ADGRB1: variants seen among roughly 807,000 people sequenced by gnomAD.
ADGRB1 encodes the protein brain-specific angiogenesis inhibitor 1.
In ADGRB1, 36 loss-of-function variants were observed where a neutral mutation model predicts 175.7. The ratio of observed to expected loss-of-function variants is 0.20; its 90% CI spans 0.16 to 0.27. ADGRB1 has a LOEUF of 0.27. ADGRB1 is among the 10% of genes least tolerant of loss of function. The probability of loss-of-function intolerance (pLI) is 1.00; values close to 1 mark genes in which losing one functional copy is unlikely to be tolerated. For missense variants in ADGRB1, 1,731 were observed against 2,255.3 expected (o/e 0.77, Z 4.71); for synonymous variants, 1,054 against 979.4 (o/e 1.08, Z -1.42).
rs114421964 is a variant in ADGRB1, at chr8:142,463,193, C to T, written c.-219-787C>T. Among the ~76,000 whole-genome samples the T allele has an allele frequency of 7.7e-3, 1,173 of 152,306 alleles. 12 individuals carry two copies. Among genetic ancestry groups the T allele is most frequent in the African/African-American group, 0.027 (1,107 of 41,554 alleles). On this transcript the variant is annotated intron_variant, in intron 1 of 30. Transcript: ENST00000517894. ...CTGGTGGCTCCATCCCCCCTCCATC[C>T]CTCCCCAGGCCCTGTGCCTGTAGCT...
rs535963877 is a variant in ADGRB1 at position 142,537,799 on chromosome 8, A to G, written c.3666+717A>G. ...GGCGGTTCCTACGTAAGGGCCCCCA[A>G]CAGCCCCCTGTGGAGCCTCAACTCT... On this transcript the variant is annotated intron_variant, in intron 26 of 30. Coordinates refer to ENST00000517894, the MANE Select transcript of ADGRB1 (RefSeq NM_001702.3). The surrounding 1 kb of genome is among the most constrained non-coding windows in gnomAD (Gnocchi z 4.6). 2.0e-5 allele frequency among the ~76,000 whole-genome samples: 3 copies of G among 152,246 alleles called. No individual in the cohort carries two copies. In the East Asian group the frequency reaches 5.8e-4, roughly 29 times the overall value.
At chr8:142,462,672 G>A (rs950040692) in intron 1 of ADGRB1, among the ~76,000 whole-genome samples, 4 of 152,350 alleles carry the variant, frequency 2.6e-5, no homozygotes, top group African/African-American at 4.8e-5. Context: ...TCCCGTGGGC[G>A]GGCGACCGGC....
At chr8:142,487,132 T>A (rs1028835568) in intron 13 of ADGRB1, among the ~76,000 whole-genome samples, 2 of 152,246 alleles carry the variant, frequency 1.3e-5, no homozygotes, top group African/African-American at 2.4e-5. Context: ...CTTGTTCCAA[T>A]GAAATATTTC....
chr8:142,457,483 G>A (rs970127927), intron 1 of ADGRB1, among the ~76,000 whole-genome samples: 3 of 152,094 alleles, frequency 2.0e-5, no homozygotes, highest in African/African-American at 7.3e-5. Context: ...CAGCTGGGTG[G>A]GGCTGGGCCT....
intron 2 of ADGRB1, among the ~76,000 whole-genome samples, chr8:142,469,492 C>T (rs1343669125): frequency 8.1e-6 from 1 of 123,188 alleles, no homozygotes. Flanking sequence ...TGTGTATGCA[C>T]GTGCATGTGT....
chr8:142,488,837 C>G (rs1841834102), intron 14 of ADGRB1, among the ~76,000 whole-genome samples, 198 bp from the exon 15 acceptor site: 1 of 152,252 alleles, frequency 6.6e-6, no homozygotes, highest in African/African-American at 2.4e-5. Context: ...CTCCCTCTTC[C>G]CACGTGGCTG....
intron 8 of ADGRB1, 39 bp downstream of exon 8, chr8:142,479,526 C>T: frequency 6.6e-7 from 1 of 1,520,006 alleles, no homozygotes; most frequent in South Asian, 1.2e-5. Context: ...CTGGGGAGGG[C>T]TGATGGCGAT....
At chr8:142,495,673 TTC>T (rs924894449) in intron 17 of ADGRB1, among the ~76,000 whole-genome samples, 2 of 152,110 alleles carry the variant, frequency 1.3e-5, no homozygotes, top group African/African-American at 4.8e-5. Flanking sequence ...TTTCCTGGCC[TTC>T]TGTCTTGTGT....
At chr8:142,450,709 C>G (rs1839296404) in intron 1 of ADGRB1, among the ~76,000 whole-genome samples, 1 of 152,164 alleles carries the variant, frequency 6.6e-6, no homozygotes, top group African/African-American at 2.4e-5. Flanking sequence ...AGCCCTCGCT[C>G]GTAGAAGCCC....
rs1563709549 is a variant in ADGRB1, at chr8:142,493,205, G to A, written c.2675+2390G>A. Reference sequence around the variant, plus strand: ...GTCCTCCAGGGCAGCAGGCTGTGAGGGGCCTGTCCAGTGAGCCGGGACAAG... The same window carrying A: ...GTCCTCCAGGGCAGCAGGCTGTGAGAGGCCTGTCCAGTGAGCCGGGACAAG... On this transcript the variant is annotated intron_variant, in intron 17 of 30. Transcript: ENST00000517894. The surrounding 1 kb of genome is among the most constrained non-coding windows in gnomAD (Gnocchi z 5.0). 2.0e-5 allele frequency among the ~76,000 whole-genome samples: 3 copies of A among 151,988 alleles called. No individual in the cohort carries two copies. Among genetic ancestry groups the A allele is most frequent in the African/African-American group, 4.8e-5 (2 of 41,376 alleles).
rs1401948409 is a variant in ADGRB1 at position 142,492,961 on chromosome 8, C to G, written c.2675+2146C>G. ...GCGGCAGCTCTCGGGGGGCTGCGCC[C>G]TGGTTCACTCAACCAGCCCCTGCTG... On this transcript the variant is annotated intron_variant, in intron 17 of 30. Coordinates refer to ENST00000517894, the MANE Select transcript of ADGRB1 (RefSeq NM_001702.3). This position sits in a 1 kb window ranked among gnomAD's most constrained non-coding sequence, Gnocchi z 4.4. Among the ~76,000 whole-genome samples the G allele has an allele frequency of 1.3e-5, 2 of 152,090 alleles. No individual in the cohort carries two copies. The highest frequency in any genetic ancestry group is 6.5e-5 in the Admixed American group (1 of 15,284).
intron 2 of ADGRB1, among the ~76,000 whole-genome samples, chr8:142,472,378 C>T (rs528399807): frequency 9.2e-5 from 14 of 152,284 alleles, no homozygotes; most frequent in African/African-American, 3.1e-4. Flanking sequence ...CAGACAGAGC[C>T]GGCATTGAGT....
chr8:142,470,631 C>G (rs550718086), intron 2 of ADGRB1, among the ~76,000 whole-genome samples: 4 of 152,270 alleles, frequency 2.6e-5, no homozygotes, highest in Admixed American at 1.3e-4. Flanking sequence ...TGTGCGTCCT[C>G]TGTGTGCCCA....
At chr8:142,507,270 C>G (rs1842892816) in intron 17 of ADGRB1, among the ~76,000 whole-genome samples, 3 of 152,178 alleles carry the variant, frequency 2.0e-5, no homozygotes, top group Non-Finnish European at 4.4e-5. Flanking sequence ...GTTCCCCTGA[C>G]ACATGCTGCC....
intron 1 of ADGRB1, among the ~76,000 whole-genome samples, chr8:142,458,040 G>A (rs1052704414): frequency 3.3e-5 from 5 of 152,130 alleles, no homozygotes; most frequent in African/African-American, 7.2e-5. Context: ...ACACACAGGC[G>A]GGCACTGTTC....
chr8:142,457,441 G>A (rs1402075620), intron 1 of ADGRB1, among the ~76,000 whole-genome samples: 1 of 152,212 alleles, frequency 6.6e-6, no homozygotes, highest in Non-Finnish European at 1.5e-5. Context: ...CAGCAGCTCT[G>A]GCCAGATTCT....
chr8:142,500,365 T>G (rs62513274), intron 17 of ADGRB1, among the ~76,000 whole-genome samples: 437 of 2,360 alleles, frequency 0.19, 135 homozygotes, highest in South Asian at 0.57. Context: ...CCCCCGCGCC[T>G]TTCCTCCCCT....
At chr8:142,461,936 G>A (rs545524111) in intron 1 of ADGRB1, among the ~76,000 whole-genome samples, 1 of 152,294 alleles carries the variant, frequency 6.6e-6, no homozygotes, top group East Asian at 1.9e-4. Context: ...CCCCGGGACT[G>A]TAGCGCAAGG....
intron 18 of ADGRB1, 89 bp from the exon 19 acceptor site, chr8:142,518,049 G>A: frequency 7.9e-7 from 1 of 1,264,676 alleles, no homozygotes; most frequent in Non-Finnish European, 1.1e-6. Context: ...GTGACCCGGG[G>A]CTGCGGGCTC....
Sources: allele counts gnomAD v4.1 joint callset (sites outside exome capture counted in the v4.1 genomes callset), GRCh38; gene constraint gnomAD v4.1.1; non-coding constraint Gnocchi (gnomAD v3.1); transcripts MANE v1.5; gene names NCBI Gene and HGNC (gene_info 2026-07-23, HGNC 2026-07-21).